Variants in CCDC14 observed in about 807,000 individuals in gnomAD.
The protein encoded by CCDC14 is coiled-coil domain containing 14, also known as coiled-coil domain-containing protein 14.
In CCDC14, 71 loss-of-function variants were observed where a neutral mutation model predicts 81.4. The observed-to-expected ratio is 0.87, with a 90% confidence interval of 0.72 to 1.06. The LOEUF (loss-of-function observed/expected upper bound fraction) is 1.06, where lower values mean the gene tolerates loss of function less well. Ranked by LOEUF, CCDC14 falls within the 50% of genes least tolerant of loss-of-function variation. The pLI, the probability that CCDC14 is intolerant of heterozygous loss-of-function variation, is 0.00. For synonymous variants in CCDC14, 332 were observed against 364.8 expected (o/e 0.91, Z 1.03); for missense variants, 1,046 against 1,047.3 (o/e 1.00, Z 0.02).
Position 123,905,278 on chromosome 3 carries a change from G to A in CCDC14, c.668-7665C>T, listed in dbSNP as rs373106019. 9.2e-5 allele frequency among the ~76,000 whole-genome samples: 14 copies of A among 152,280 alleles called. 1 individual carries two copies. The South Asian group carries it at 1.0e-3, about 11-fold the overall frequency. Reference sequence around the variant, plus strand: ...AGGAAATGTCAGCCTAAAATAGAAGGTGGCCAGGCAGAAGGTGGGCTGGGG... The same window carrying A: ...AGGAAATGTCAGCCTAAAATAGAAGATGGCCAGGCAGAAGGTGGGCTGGGG... On this transcript the variant is annotated intron_variant, in intron 5 of 5. Transcript: ENST00000479903.
In CCDC14 at chr3:123,961,158, C is replaced by T. The variant is rs1177765539; in HGVS notation, c.16G>A (p.Ala6Thr). Residue 6 changes from alanine to threonine, a missense_variant, in exon 1 of 13, where the codon GCT (alanine) becomes ACT (threonine). Transcript: ENST00000409697. MVRSG[A>T]RPGQVLSSGR... is the part of the protein sequence containing the mutation. The stretch of plus-strand genomic sequence containing the variant: ...TCAGCCCTCACCTGGCCCGGTCGAG[C>T]TCCAGACCTGACCATCTCTCGCCGC... The T allele has an allele frequency of 6.4e-7, 1 of 1,551,586 alleles. No individual in the cohort carries two copies. Among genetic ancestry groups the T allele is most frequent in the Non-Finnish European group, 8.7e-7 (1 of 1,146,994 alleles).
At chr3:123,916,556 G>C (rs1020689170) in intron 12 of CCDC14, among the ~76,000 whole-genome samples, 1 of 150,496 alleles carries the variant, frequency 6.6e-6, no homozygotes, top group Admixed American at 6.6e-5. Flanking sequence ...ATAGGTATAA[G>C]CAACAGCTAG....
chr3:123,955,204 T>A (rs909298459), intron 5 of CCDC14: 1 of 152,204 alleles, frequency 6.6e-6, no homozygotes, highest in East Asian at 1.9e-4. Flanking sequence ...AGTCTAATTC[T>A]AGTCCATCTG....
the CCDC14 span, among the ~76,000 whole-genome samples, chr3:123,889,622 G>T: frequency 1.3e-5 from 2 of 152,216 alleles, no homozygotes; most frequent in African/African-American, 4.8e-5. Context: ...AGCCCCTGTG[G>T]CTACTTTCAC....
intron 5 of CCDC14, among the ~76,000 whole-genome samples, chr3:123,901,066 T>C (rs2034168164): frequency 6.6e-6 from 1 of 151,896 alleles, no homozygotes; most frequent in South Asian, 2.1e-4. Flanking sequence ...GCCCTGTCTC[T>C]ACTAAAAATA....
chr3:123,949,051 C>T lies in CCDC14; in HGVS notation c.434G>A (p.Trp145Ter). 6.2e-7 allele frequency: 1 copy of T among 1,613,402 alleles called. No individual in the cohort carries two copies. Among genetic ancestry groups the T allele is most frequent in the African/African-American group, 1.3e-5 (1 of 75,010 alleles). The stretch of plus-strand genomic sequence containing the variant: ...CATTCTATAATGATCTTGCAATGAC[C>T]AGTTTTGCTCTAGGTCTGATGTGTC... The part of the protein sequence containing the change: ...ERDTSDLEQN[W>*]SLQDHYRMYS... Residue 145 changes from tryptophan to a stop codon, truncating the protein, a stop_gained, in exon 6 of 13, where the codon TGG (tryptophan) becomes TAG (stop). Coordinates refer to ENST00000409697, the MANE Select transcript of CCDC14 (RefSeq NM_001366335.1). LOFTEE classifies it high-confidence loss of function.
At chr3:123,945,802 G>C (rs1212747667) in intron 8 of CCDC14, among the ~76,000 whole-genome samples, 1 of 152,146 alleles carries the variant, frequency 6.6e-6, no homozygotes, top group African/African-American at 2.4e-5. Context: ...GTAAACAACT[G>C]TGTTCAATGA....
At chr3:123,959,253 A>G (rs1200163402) in intron 1 of CCDC14, among the ~76,000 whole-genome samples, 1 of 152,202 alleles carries the variant, frequency 6.6e-6, no homozygotes, top group African/African-American at 2.4e-5. Context: ...TTACATTCCC[A>G]CTGACAGTGT....
rs2035699533 is a variant in CCDC14 at position 123,931,392 on chromosome 3, A to T, written c.1561T>A (p.Phe521Ile). The T allele has an allele frequency of 3.3e-6, 5 of 1,531,722 alleles. No homozygotes were observed. The highest frequency in any genetic ancestry group is 2.8e-5 in the African/African-American group (2 of 72,546). The allele number at this position is 1,531,722 out of a possible 1,614,324, so 94.9% of individuals were successfully genotyped here. The change falls in exon 11 of 13, where the codon TTT becomes ATT. Residue 521 changes from phenylalanine (F) to isoleucine (I), a missense_variant. Transcript: ENST00000409697. ...IENQKDENKK[F>I]SSIFKDKDQT... is the part of the protein sequence containing the mutation. Reference sequence around the variant, plus strand: ...TCTTTGTCTTTAAATATACTACTAAATTTTTTGTTTTCATCTTTCTGATTT... The same window carrying T: ...TCTTTGTCTTTAAATATACTACTAATTTTTTTGTTTTCATCTTTCTGATTT...
At chr3:123,943,886 T>C (rs2036490024) in intron 9 of CCDC14, among the ~76,000 whole-genome samples, 1 of 152,128 alleles carries the variant, frequency 6.6e-6, no homozygotes, top group Non-Finnish European at 1.5e-5. Flanking sequence ...TAATATCCTT[T>C]ATAATAAAGT....
At chr3:123,917,693 T>A (rs1414774896) in intron 12 of CCDC14, among the ~76,000 whole-genome samples, 1 of 151,360 alleles carries the variant, frequency 6.6e-6, no homozygotes, top group Non-Finnish European at 1.5e-5. Context: ...AAAATAAGAA[T>A]AATACCCACT....
intron 12 of CCDC14, 80 bp from the exon 13 acceptor site, chr3:123,915,798 A>G (rs1318142870): frequency 1.8e-6 from 2 of 1,108,480 alleles, no homozygotes; most frequent in East Asian, 4.8e-5. Context: ...CCATCTTTAA[A>G]AAAAGGATTT....
In CCDC14 at chr3:123,914,138, G is replaced by A. The variant is rs2034526925; in HGVS notation, c.*641C>T. On this transcript the variant is annotated 3_prime_UTR_variant, in exon 13 of 13. Transcript: ENST00000409697. ...TTATCAGTCTGACTATTCTTTAAAG[G>A]CCTTAAAACATGAATTTGGGATAAA... The A allele has an allele frequency of 4.1e-6, 4 of 985,162 alleles. No homozygotes were observed. The South Asian group carries it at 1.9e-4, about 46-fold the overall frequency. The allele number at this position is 985,162 out of a possible 1,614,324, so 61.0% of individuals were successfully genotyped here.
intron 5 of CCDC14, among the ~76,000 whole-genome samples, chr3:123,901,557 T>TA (rs968194518): frequency 1.3e-5 from 2 of 151,934 alleles, no homozygotes; most frequent in South Asian, 2.1e-4. Flanking sequence ...CATTTAAATG[T>TA]AAAAAAAATT....
rs1270786169 is a variant in CCDC14, at chr3:123,944,975, TGAATTTCTGAATCCTCTATA to T, written c.1202-5_1216del. On this transcript the variant is annotated splice_acceptor_variant and splice_polypyrimidine_tract_variant and coding_sequence_variant and intron_variant, in exon 9 of 13. Coordinates refer to ENST00000409697, the MANE Select transcript of CCDC14 (RefSeq NM_001366335.1). LOFTEE classifies it high-confidence loss of function. The stretch of plus-strand genomic sequence containing the variant: ...TGCCTCCATTTCTGTAATCAACCTC[TGAATTTCTGAATCCTCTATA>T]GAAGGCAACAGAAATGAGTAAAATC... The T allele has an allele frequency of 1.2e-6, 2 of 1,602,502 alleles. No individual in the cohort carries two copies. Among genetic ancestry groups the T allele is most frequent in the Non-Finnish European group, 1.7e-6 (2 of 1,172,070 alleles).
At chr3:123,955,735 AACTAAT>A (rs1055296468) in intron 5 of CCDC14, 102 bp downstream of exon 5, 5 of 1,048,562 alleles carry the variant, frequency 4.8e-6, no homozygotes, top group Middle Eastern at 3.2e-4. Context: ...ACATAAACCT[AACTAAT>A]ACTGATTATT....
intron 1 of CCDC14, chr3:123,957,832 A>T (rs1377075352): frequency 6.6e-6 from 1 of 152,076 alleles, no homozygotes; most frequent in Non-Finnish European, 1.5e-5. Flanking sequence ...AGACATGAGA[A>T]AGTCCCTGAT....
At chr3:123,946,717 C>T (rs2036642258) in intron 8 of CCDC14, 86 bp downstream of exon 8, 3 of 1,298,148 alleles carry the variant, frequency 2.3e-6, no homozygotes, top group Non-Finnish European at 2.1e-6. Flanking sequence ...GAAAATACCA[C>T]AAACTCCATT....
chr3:123,937,515 G>A (rs2036114978), intron 9 of CCDC14, among the ~76,000 whole-genome samples: 1 of 151,726 alleles, frequency 6.6e-6, no homozygotes, highest in South Asian at 2.1e-4. Context: ...TTTTCAACTT[G>A]ATATTTAAAA....
Sources: allele counts gnomAD v4.1 joint callset (sites outside exome capture counted in the v4.1 genomes callset), GRCh38; gene constraint gnomAD v4.1.1; transcripts MANE v1.5; gene names NCBI Gene and HGNC (gene_info 2026-07-23, HGNC 2026-07-21).